The following SCGB2B2 variants were observed in gnomAD, a reference collection of about 807,000 sequenced individuals.
SCGB2B2 encodes secretoglobin-like protein.
SCGB2B2 carries 11 observed loss-of-function variants against 7.6 expected under a neutral mutation model. The observed-to-expected ratio is 1.45, with a 90% CI of 0.91 to 2.40. SCGB2B2 has a LOEUF of 2.40. Ranked by LOEUF, SCGB2B2 falls within the 30% of genes most tolerant of loss-of-function variation. SCGB2B2 has a pLI of 0.00. For synonymous variants in SCGB2B2, 50 were observed against 48.6 expected (o/e 1.03, Z -0.12); for missense variants, 104 against 115.4 (o/e 0.90, Z 0.45).
At chr19:34,630,852 T>G (rs1335131099) in intron 1 of SCGB2B2, among the ~76,000 whole-genome samples, 1 of 151,848 alleles carries the variant, frequency 6.6e-6, no homozygotes, top group African/African-American at 2.4e-5. Context: ...TAGCAAAGAC[T>G]TGGAACCAAC....
At chr19:34,603,409 C>T (rs1455361932) in intron 1 of SCGB2B2, among the ~76,000 whole-genome samples, 1 of 152,228 alleles carries the variant, frequency 6.6e-6, no homozygotes, top group Non-Finnish European at 1.5e-5. Context: ...AAAGTCATTG[C>T]CTTGCTTTCC....
At chr19:34,608,685 A>ATATATATATATATATATATATATATC (rs1489127995) in intron 1 of SCGB2B2, 1 of 131,476 alleles carries the variant, frequency 7.6e-6, no homozygotes, top group Non-Finnish European at 1.7e-5. Flanking sequence ...ATATATATAT[A>ATATATATATATATATATATATATATC]CCGTATTTTC....
At chr19:34,614,796 T>G (rs1166339529) in intron 1 of SCGB2B2, among the ~76,000 whole-genome samples, 1 of 152,252 alleles carries the variant, frequency 6.6e-6, no homozygotes, top group East Asian at 1.9e-4. Context: ...GATATTCTTG[T>G]GCCAGTTGGC....
chr19:34,610,892 C>A (rs150872076), intron 1 of SCGB2B2, among the ~76,000 whole-genome samples: 2 of 151,390 alleles, frequency 1.3e-5, no homozygotes, highest in East Asian at 3.9e-4. Context: ...CTGAGAAGAA[C>A]TGGTATCAGT....
At chr19:34,646,440 CG>C (rs1755766703) in intron 1 of SCGB2B2, 2 of 152,636 alleles carry the variant, frequency 1.3e-5, no homozygotes, top group South Asian at 4.1e-4. Context: ...CATGCATACA[CG>C]TGTGTTACAC....
At chr19:34,636,789 C>A (rs1052379421) in intron 1 of SCGB2B2, among the ~76,000 whole-genome samples, 1 of 152,122 alleles carries the variant, frequency 6.6e-6, no homozygotes, top group Non-Finnish European at 1.5e-5. Context: ...ATCATGAGAA[C>A]TCAGCCCTGA....
downstream of SCGB2B2, among the ~76,000 whole-genome samples, chr19:34,587,631 C>A (rs1363084596): frequency 6.6e-6 from 1 of 152,146 alleles, no homozygotes; most frequent in South Asian, 2.1e-4. Context: ...CAGCTTTGTA[C>A]TTTTCCCTAT....
chr19:34,602,714 C>A (rs1049713510), intron 1 of SCGB2B2, among the ~76,000 whole-genome samples: 14 of 152,214 alleles, frequency 9.2e-5, no homozygotes, highest in Admixed American at 7.2e-4. Flanking sequence ...ACCTTTCCTG[C>A]AGTTACTGGT....
intron 1 of SCGB2B2, among the ~76,000 whole-genome samples, chr19:34,647,732 T>C (rs949504957): frequency 6.6e-6 from 1 of 152,174 alleles, no homozygotes; most frequent in Non-Finnish European, 1.5e-5. Context: ...TCCCTGAAGT[T>C]CACATCCAAG....
chr19:34,605,458 G>A (rs553559731), intron 1 of SCGB2B2, among the ~76,000 whole-genome samples: 1 of 152,088 alleles, frequency 6.6e-6, no homozygotes, highest in South Asian at 2.1e-4. Context: ...TCTTCATTCC[G>A]GTGGCTTTGC....
chr19:34,620,819 C>T (rs561519114), intron 1 of SCGB2B2, among the ~76,000 whole-genome samples: 8 of 152,088 alleles, frequency 5.3e-5, no homozygotes, highest in African/African-American at 1.7e-4. Context: ...CACCATTTGG[C>T]AATAATGTCA....
At chr19:34,640,844 A>AT (rs1200454992) in intron 1 of SCGB2B2, among the ~76,000 whole-genome samples, 1 of 151,870 alleles carries the variant, frequency 6.6e-6, no homozygotes, top group East Asian at 1.9e-4. Context: ...CTTTATTATT[A>AT]TTTTTTTCCA....
intron 1 of SCGB2B2, among the ~76,000 whole-genome samples, chr19:34,613,622 T>C (rs1383667486): frequency 6.6e-6 from 1 of 152,236 alleles, no homozygotes; most frequent in Non-Finnish European, 1.5e-5. Flanking sequence ...GTTGTTTTCT[T>C]CCTCTGTCAT....
rs891284756 is a variant in SCGB2B2, at chr19:34,594,733, C to A, written c.-170G>T. 2 of 670,262 alleles carry A rather than the reference C, an allele frequency of 3.0e-6. No homozygotes were observed. Among genetic ancestry groups the A allele is most frequent in the Non-Finnish European group, 5.4e-6 (2 of 368,664 alleles). 41.5% of individuals were successfully genotyped at this position (670,262 alleles called of 1,614,324 possible). A position where few individuals can be genotyped will look rare whatever the true frequency, so the allele number is the denominator to read the frequency against. The stretch of plus-strand genomic sequence containing the variant: ...TGGTCAGGGCAGGTCTGCAGAGAGA[C>A]CCTCGGCCCTGGGCCATGCTGTTGG... On this transcript the variant is annotated 5_prime_UTR_variant, in exon 2 of 4. Transcript: ENST00000601241.
downstream of SCGB2B2, among the ~76,000 whole-genome samples, chr19:34,588,756 C>G (rs951235842): frequency 6.6e-5 from 10 of 152,172 alleles, no homozygotes; most frequent in Admixed American, 2.0e-4. Context: ...ACACACAGGG[C>G]ATTGGTGACT....
chr19:34,634,239 G>A (rs888787145), intron 1 of SCGB2B2, among the ~76,000 whole-genome samples: 5 of 152,182 alleles, frequency 3.3e-5, no homozygotes, highest in Non-Finnish European at 7.3e-5. Context: ...CATGCAGTAT[G>A]TGAATGTAAT....
intron 1 of SCGB2B2, among the ~76,000 whole-genome samples, chr19:34,601,895 GT>G (rs549386976): frequency 7.2e-5 from 11 of 151,928 alleles, no homozygotes; most frequent in Non-Finnish European, 1.5e-4. Flanking sequence ...AGGGTTTCTT[GT>G]TTGTTTGTGT....
intron 1 of SCGB2B2, among the ~76,000 whole-genome samples, chr19:34,619,741 C>T (rs1335361431): frequency 1.3e-5 from 2 of 152,196 alleles, no homozygotes; most frequent in Non-Finnish European, 2.9e-5. Flanking sequence ...ACCTTAACTA[C>T]TGAGCACAAG....
chr19:34,595,358 A>T lies in SCGB2B2; in HGVS notation c.-795T>A, dbSNP rs2145744029. On this transcript the variant is annotated 5_prime_UTR_variant, in exon 2 of 4. Transcript: ENST00000601241. ...ACAGTCCCTTCGATCTAAGAAGCAG[A>T]TGTTCAGGGAGAAACAGTGAAAGGG... is the stretch of plus-strand genomic sequence containing the variant. The T allele has an allele frequency of 6.5e-6, 1 of 152,706 alleles. No individual in the cohort carries two copies. The highest frequency in any genetic ancestry group is 1.5e-5 in the Non-Finnish European group (1 of 68,060). 9.5% of individuals were successfully genotyped at this position (152,706 alleles called of 1,614,324 possible). A position where few individuals can be genotyped will look rare whatever the true frequency, so the allele number is the denominator to read the frequency against.
Sources: gnomAD v4.1 joint callset for allele counts (sites outside exome capture counted in the v4.1 genomes callset) on GRCh38, gnomAD v4.1.1 for gene constraint, MANE v1.5 for transcripts, NCBI Gene and HGNC (gene_info 2026-07-23, HGNC 2026-07-21) for gene names.